Variants in TENM2 observed in about 807,000 individuals in gnomAD.
The protein encoded by TENM2 is teneurin-2.
TENM2 carries 52 observed loss-of-function variants against 245.2 expected under a neutral mutation model. That is an observed-to-expected ratio of 0.21 (90% confidence interval 0.17 to 0.27). The LOEUF is 0.27. Ranked by LOEUF, TENM2 falls within the 10% of genes least tolerant of loss-of-function variation. The pLI, the probability that TENM2 is intolerant of heterozygous loss-of-function variation, is 1.00. For missense variants in TENM2, 3,046 were observed against 3,666.8 expected, an observed-to-expected ratio of 0.83 and a Z score of 4.37; for synonymous variants, 1,363 against 1,438.9, an observed-to-expected ratio of 0.95 and a Z score of 1.19.
chr5:167,515,650 C>CACATATATACGTATATATGTATATATAT (rs1554168378), intron 2 of TENM2, among the ~76,000 whole-genome samples: 887 of 127,134 alleles, frequency 7.0e-3, no homozygotes, highest in South Asian at 0.01. Flanking sequence ...TATATATATA[C>CACATATATACGTATATATGTATATATAT]ACATATATAC....
intron 2 of TENM2, among the ~76,000 whole-genome samples, chr5:167,509,491 CACTT>C (rs767984844): frequency 2.0e-5 from 3 of 152,182 alleles, no homozygotes; most frequent in Non-Finnish European, 4.4e-5. Flanking sequence ...CTTTAATCGA[CACTT>C]AATTAATGCG....
intron 5 of TENM2, among the ~76,000 whole-genome samples, chr5:167,996,292 G>A (rs1055550442): frequency 6.6e-6 from 1 of 151,836 alleles, no homozygotes; most frequent in Non-Finnish European, 1.5e-5. Context: ...CACACAGCTG[G>A]GGTCAGAGAA....
chr5:167,567,690 G>GCA (rs58286474), intron 2 of TENM2, among the ~76,000 whole-genome samples: 225 of 152,188 alleles, frequency 1.5e-3, no homozygotes, highest in African/African-American at 5.0e-3. Flanking sequence ...CGCAGCATGT[G>GCA]CACACACACA....
At chr5:167,014,370 C>T in the TENM2 span, among the ~76,000 whole-genome samples, 251 of 152,174 alleles carry the variant, frequency 1.6e-3, no homozygotes, top group African/African-American at 5.5e-3. Flanking sequence ...AGCAAGTACA[C>T]GTTAAATTCT....
At chr5:168,228,077 C>G in exon 25 of TENM2, 1 of 1,613,850 alleles carries the variant, frequency 6.2e-7, no homozygotes. Context: ...TGAGTGGCGC[C>G]TAAGAAAGGA....
At chr5:167,602,837 G>A (rs1192285025) in intron 2 of TENM2, among the ~76,000 whole-genome samples, 1 of 152,132 alleles carries the variant, frequency 6.6e-6, no homozygotes, top group South Asian at 2.1e-4. Flanking sequence ...AAATTTCATA[G>A]AGATAAAGGC....
At chr5:167,747,642 G>A (rs1761683978) in intron 2 of TENM2, among the ~76,000 whole-genome samples, 1 of 152,102 alleles carries the variant, frequency 6.6e-6, no homozygotes, top group South Asian at 2.1e-4. Context: ...TTCTCTTTGT[G>A]GGGAAGAAAA....
At chr5:167,038,322 C>T in the TENM2 span, among the ~76,000 whole-genome samples, 2 of 152,108 alleles carry the variant, frequency 1.3e-5, no homozygotes, top group Admixed American at 1.3e-4. Context: ...TTGCTGCAAT[C>T]CTGGAAGCAT....
rs958616758 is a variant in TENM2, at chr5:167,608,524, C to T, written c.502+233051C>T. ...GTCTGACAGCATTGCTATCACAGCA[C>T]GTTTGACAAATCGTTCACATTAAAT... is the stretch of plus-strand genomic sequence containing the variant. On this transcript the variant is annotated intron_variant, in intron 2 of 28. Coordinates refer to ENST00000518659, the Ensembl canonical transcript of TENM2. 5.9e-5 allele frequency among the ~76,000 whole-genome samples: 9 copies of T among 152,204 alleles called. No homozygotes were observed. In the East Asian group the frequency reaches 1.2e-3, roughly 20 times the overall value.
chr5:167,069,792 A>G, the TENM2 span, among the ~76,000 whole-genome samples: 1 of 152,212 alleles, frequency 6.6e-6, no homozygotes, highest in Non-Finnish European at 1.5e-5. Context: ...GATGCTAAAA[A>G]ATATTCAAAA....
At chr5:167,210,750 A>T in the TENM2 span, among the ~76,000 whole-genome samples, 2 of 152,282 alleles carry the variant, frequency 1.3e-5, no homozygotes, top group South Asian at 2.1e-4. Flanking sequence ...GGCGTGAGCC[A>T]CCGCGCCCGG....
intron 5 of TENM2, among the ~76,000 whole-genome samples, chr5:168,019,596 C>T (rs10052830): frequency 0.055 from 8,319 of 152,256 alleles, 333 homozygotes; most frequent in African/African-American, 0.11. Flanking sequence ...ACAGAGTAAC[C>T]TGGAGCCAGC....
At chr5:168,190,509 C>T (rs1760857677) in exon 14 of TENM2, 1 of 1,614,018 alleles carries the variant, frequency 6.2e-7, no homozygotes, top group Admixed American at 1.7e-5. Flanking sequence ...GCAAGGATAG[C>T]ACCCACATCA....
intron 2 of TENM2, among the ~76,000 whole-genome samples, chr5:167,544,129 A>G (rs1772394529): frequency 6.6e-6 from 1 of 152,172 alleles, no homozygotes; most frequent in African/African-American, 2.4e-5. Context: ...AAGTAACTGT[A>G]CTGGGAGGAG....
At chr5:167,446,444 G>A (rs1765212332) in intron 2 of TENM2, among the ~76,000 whole-genome samples, 1 of 152,136 alleles carries the variant, frequency 6.6e-6, no homozygotes, top group African/African-American at 2.4e-5. Flanking sequence ...AGTTTGGAAA[G>A]TTTATCATCT....
chr5:167,816,129 C>T (rs1437873274), intron 2 of TENM2, among the ~76,000 whole-genome samples: 1 of 151,938 alleles, frequency 6.6e-6, no homozygotes, highest in Non-Finnish European at 1.5e-5. Flanking sequence ...CAAGAAAAAA[C>T]AATAGAGCCA....
At chr5:167,611,382 A>G (rs1777468453) in intron 2 of TENM2, among the ~76,000 whole-genome samples, 1 of 152,068 alleles carries the variant, frequency 6.6e-6, no homozygotes, top group South Asian at 2.1e-4. Context: ...TAGAATATAC[A>G]GTCCTGCTAG....
At chr5:167,168,563 T>C in the TENM2 span, among the ~76,000 whole-genome samples, 2 of 152,190 alleles carry the variant, frequency 1.3e-5, no homozygotes, top group African/African-American at 4.8e-5. Context: ...GTAAAAGAAA[T>C]TGTTCAACAG....
chr5:167,467,643 T>G (rs1042793100), intron 2 of TENM2, among the ~76,000 whole-genome samples: 1 of 152,130 alleles, frequency 6.6e-6, no homozygotes, highest in Non-Finnish European at 1.5e-5. Context: ...TTCCTTTCCA[T>G]ATTTGTTACA....
Sources: allele counts gnomAD v4.1 joint callset (sites outside exome capture counted in the v4.1 genomes callset), GRCh38; gene constraint gnomAD v4.1.1; transcripts MANE v1.5; gene names NCBI Gene and HGNC (gene_info 2026-07-23, HGNC 2026-07-21).